The following DCLK1 variants were observed in gnomAD, a reference collection of about 807,000 sequenced individuals.
The protein encoded by DCLK1 is doublecortin like kinase 1.
In DCLK1, 16 loss-of-function variants were observed where a neutral mutation model predicts 86.2. That is an observed-to-expected ratio of 0.19 (90% confidence interval 0.13 to 0.28). The LOEUF is 0.28. Among genes scored for constraint, DCLK1 ranks in the 10% least tolerant of loss-of-function variants. DCLK1 has a pLI of 1.00. For missense variants in DCLK1, 590 were observed against 940.2 expected (o/e 0.63, Z 4.87); for synonymous variants, 369 against 370.5 (o/e 1.00, Z 0.05).
intron 16 of DCLK1, among the ~76,000 whole-genome samples, chr13:35,779,940 A>G (rs1593580895): frequency 6.6e-6 from 1 of 151,958 alleles, no homozygotes; most frequent in East Asian, 1.9e-4. Flanking sequence ...TACAAGGTAT[A>G]CTCATAAAAC....
chr13:35,888,492 C>T (rs1873432956), intron 4 of DCLK1, among the ~76,000 whole-genome samples: 1 of 152,034 alleles, frequency 6.6e-6, no homozygotes, highest in Non-Finnish European at 1.5e-5. Flanking sequence ...AACAAGGGGT[C>T]AAATGTGGCT....
rs918812253 is a variant in DCLK1, at chr13:35,769,508, G to T, written c.*5027C>A. 1 of 152,008 alleles carries T rather than the reference G, an allele frequency of 6.6e-6. No individual in the cohort carries two copies. Among genetic ancestry groups the T allele is most frequent in the Non-Finnish European group, 1.5e-5 (1 of 67,984 alleles). 9.4% of individuals were successfully genotyped at this position (152,008 alleles called of 1,614,324 possible). On this transcript the variant is annotated 3_prime_UTR_variant, in exon 17 of 17. Transcript: ENST00000360631. Reference sequence around the variant, plus strand: ...AGGATATGACTATAACCTTGGACCAGTTTCAATTTCTTTTTATTTTTTCTG... The same window carrying T: ...AGGATATGACTATAACCTTGGACCATTTTCAATTTCTTTTTATTTTTTCTG...
intron 6 of DCLK1, chr13:35,846,220 A>T (rs1002104784): frequency 9.5e-5 from 94 of 985,118 alleles, no homozygotes; most frequent in Non-Finnish European, 1.1e-4. Context: ...AAAGTATGTA[A>T]CCTCTTTATA....
chr13:35,828,177 T>C (rs1037505321), intron 9 of DCLK1, 73 bp downstream of exon 9: 3 of 1,264,094 alleles, frequency 2.4e-6, no homozygotes, highest in Non-Finnish European at 3.4e-6. Flanking sequence ...CTTGTATTTG[T>C]TTGGGAGTGA....
At chr13:36,128,856 A>C (rs1593915832) in intron 1 of DCLK1, among the ~76,000 whole-genome samples, 1 of 152,216 alleles carries the variant, frequency 6.6e-6, no homozygotes, top group African/African-American at 2.4e-5. Flanking sequence ...GTTGTTAAAC[A>C]GAACCAATTT....
intron 5 of DCLK1, among the ~76,000 whole-genome samples, chr13:35,869,763 G>A (rs987580370): frequency 6.6e-6 from 1 of 152,172 alleles, no homozygotes; most frequent in Admixed American, 6.5e-5. Context: ...TCAGGGCTTT[G>A]TAGTTCTAAC....
chr13:36,017,654 G>A (rs900893015), intron 3 of DCLK1, among the ~76,000 whole-genome samples: 4 of 152,182 alleles, frequency 2.6e-5, no homozygotes, highest in Admixed American at 6.5e-5. Context: ...AATATGGTGT[G>A]TGTAGGGTAA....
chr13:35,915,318 A>T (rs1420467255), intron 4 of DCLK1, among the ~76,000 whole-genome samples: 1 of 152,204 alleles, frequency 6.6e-6, no homozygotes, highest in Non-Finnish European at 1.5e-5. Context: ...GGTCCCTTTA[A>T]ATCATAGCAC....
chr13:35,957,521 A>G (rs1878056862), intron 3 of DCLK1, among the ~76,000 whole-genome samples: 1 of 152,178 alleles, frequency 6.6e-6, no homozygotes, highest in Non-Finnish European at 1.5e-5. Context: ...TCTTTGGTAA[A>G]ATCAGATTAT....
intron 12 of DCLK1, 29 bp from the exon 13 acceptor site, chr13:35,809,124 G>C: frequency 6.3e-7 from 1 of 1,595,096 alleles, no homozygotes; most frequent in Non-Finnish European, 8.6e-7. Context: ...TTAGAGTTAG[G>C]AGGGTCAGGC....
At chr13:35,816,311 G>C (rs944623005) in intron 11 of DCLK1, among the ~76,000 whole-genome samples, 5 of 152,106 alleles carry the variant, frequency 3.3e-5, no homozygotes, top group Non-Finnish European at 7.4e-5. Context: ...CATATTTTGG[G>C]ACATGGACTT....
intron 3 of DCLK1, among the ~76,000 whole-genome samples, chr13:36,080,745 C>T (rs950637114): frequency 3.9e-5 from 6 of 152,184 alleles, no homozygotes; most frequent in South Asian, 2.1e-4. Context: ...GCAACACACA[C>T]GGCTTCTGCT....
At chr13:35,808,513 C>A (rs4329793) in intron 13 of DCLK1, among the ~76,000 whole-genome samples, 193 bp from the exon 14 acceptor site, 4 of 152,156 alleles carry the variant, frequency 2.6e-5, no homozygotes, top group Admixed American at 2.0e-4. Flanking sequence ...CCGGGTGCGG[C>A]GGCTCACACC....
At chr13:36,055,715 C>T (rs1883279497) in intron 3 of DCLK1, among the ~76,000 whole-genome samples, 1 of 152,134 alleles carries the variant, frequency 6.6e-6, no homozygotes, top group Non-Finnish European at 1.5e-5. Flanking sequence ...AAACTTCATT[C>T]TAACTTCTTT....
At chr13:35,839,216 A>T (rs768617450) in intron 6 of DCLK1, 40 bp from the exon 7 acceptor site, 2 of 1,526,872 alleles carry the variant, frequency 1.3e-6, no homozygotes, top group Non-Finnish European at 1.8e-6. Flanking sequence ...AAACTGGGTC[A>T]GAATGCCTGA....
chr13:35,911,190 A>G (rs1404256136), intron 4 of DCLK1, among the ~76,000 whole-genome samples: 1 of 148,236 alleles, frequency 6.7e-6, no homozygotes, highest in Non-Finnish European at 1.5e-5. Context: ...GCTACTTGGG[A>G]GGTTGAGGCA....
intron 4 of DCLK1, among the ~76,000 whole-genome samples, chr13:35,878,729 C>T (rs2153116064): frequency 6.6e-6 from 1 of 152,056 alleles, no homozygotes; most frequent in African/African-American, 2.4e-5. Context: ...CATTATATGC[C>T]TGTATCAAAA....
chr13:36,120,326 G>A (rs1885941712), intron 2 of DCLK1, among the ~76,000 whole-genome samples: 1 of 152,030 alleles, frequency 6.6e-6, no homozygotes, highest in African/African-American at 2.4e-5. Context: ...CACAATATTT[G>A]GTTATAAGAT....
chr13:35,887,452 G>A (rs1593700650), intron 4 of DCLK1, among the ~76,000 whole-genome samples: 1 of 152,240 alleles, frequency 6.6e-6, no homozygotes, highest in Non-Finnish European at 1.5e-5. Context: ...ATTTCTGGCT[G>A]CGTGATCTGG....
Sources: allele counts gnomAD v4.1 joint callset (sites outside exome capture counted in the v4.1 genomes callset), GRCh38; gene constraint gnomAD v4.1.1; transcripts MANE v1.5; gene names NCBI Gene and HGNC (gene_info 2026-07-23, HGNC 2026-07-21).